The following DIP2B variants were observed in gnomAD, a reference collection of about 807,000 sequenced individuals.
The protein encoded by DIP2B is DIP2 acetate--CoA ligase B (putative).
Under a neutral mutation model 198.0 loss-of-function variants are expected in DIP2B, and 76 were observed. The ratio of observed to expected loss-of-function variants is 0.38; its 90% confidence interval spans 0.32 to 0.46. The LOEUF is 0.46. DIP2B is among the 20% of genes least tolerant of loss of function. The pLI is 0.99. For synonymous variants in DIP2B, 701 were observed against 739.1 expected, an observed-to-expected ratio of 0.95 and a Z score of 0.84; for missense variants, 1,559 against 1,978.4, an observed-to-expected ratio of 0.79 and a Z score of 4.02.
At chr12:50,644,227 T>C (rs577297642) in intron 3 of DIP2B, among the ~76,000 whole-genome samples, 1 of 152,330 alleles carries the variant, frequency 6.6e-6, no homozygotes, top group African/African-American at 2.4e-5. Flanking sequence ...TATATTTCTT[T>C]TTCCTGCACA....
At position 50,640,706 on chromosome 12, in the gene DIP2B, T is replaced by G. The variant is rs1294883366; in HGVS notation, c.173-18T>G. The G allele has an allele frequency of 6.2e-7, 1 of 1,611,232 alleles. No homozygotes were observed. The highest frequency in any genetic ancestry group is 8.5e-7 in the Non-Finnish European group (1 of 1,178,650). ...ATTACTGTTACTGGATAACCATCTT[T>G]TAAACTTCCTTTTTTAGAAACTGAT... On this transcript the variant is annotated intron_variant, in intron 2 of 37. Transcript: ENST00000301180.
At chr12:50,550,337 T>A (rs1461140504) in intron 1 of DIP2B, among the ~76,000 whole-genome samples, 2 of 152,170 alleles carry the variant, frequency 1.3e-5, no homozygotes, top group Non-Finnish European at 2.9e-5. Context: ...TTTTCATTCA[T>A]CTTTTTCATG....
intron 9 of DIP2B, among the ~76,000 whole-genome samples, chr12:50,682,425 C>T (rs1025065465): frequency 6.6e-6 from 1 of 151,962 alleles, no homozygotes; most frequent in Non-Finnish European, 1.5e-5. Flanking sequence ...GGAGATCGAT[C>T]GAGACCATCC....
chr12:50,540,374 G>A (rs1193682271), intron 1 of DIP2B, among the ~76,000 whole-genome samples: 1 of 151,600 alleles, frequency 6.6e-6, no homozygotes, highest in East Asian at 1.9e-4. Context: ...CTCCCAAAGT[G>A]CTGGGATTAC....
intron 35 of DIP2B, 72 bp from the exon 36 acceptor site, chr12:50,739,337 A>G (rs1482896494): frequency 2.0e-6 from 3 of 1,518,376 alleles, no homozygotes; most frequent in African/African-American, 1.4e-5. Flanking sequence ...AAAAATCAAA[A>G]TAACCTGATC....
At chr12:50,698,270 T>G (rs1371299343) in intron 17 of DIP2B, 58 bp from the exon 18 acceptor site, 2 of 1,562,914 alleles carry the variant, frequency 1.3e-6, no homozygotes, top group Non-Finnish European at 1.7e-6. Context: ...TCCTATGTAT[T>G]TGTATTTTTC....
In DIP2B at chr12:50,574,714, C is replaced by T. The variant is rs116271697; in HGVS notation, c.101-51262C>T. Among the ~76,000 whole-genome samples, 489 of 152,316 alleles carry T rather than the reference C, an allele frequency of 3.2e-3. 2 individuals are homozygous for T. The highest frequency in any genetic ancestry group is 0.011 in the African/African-American group (470 of 41,558). On this transcript the variant is annotated intron_variant, in intron 1 of 37. Transcript: ENST00000301180. ...CTCAGAAGTGAGGAATGAATGTTCCCATCTGGTACTTCGTTCCCTCTTCCA... is the reference window on the plus strand; with the variant it reads ...CTCAGAAGTGAGGAATGAATGTTCCTATCTGGTACTTCGTTCCCTCTTCCA...
At chr12:50,586,020 C>A (rs1273126516) in intron 1 of DIP2B, among the ~76,000 whole-genome samples, 1 of 152,234 alleles carries the variant, frequency 6.6e-6, no homozygotes. Context: ...GAGGTTCCCA[C>A]AAACACATGG....
At chr12:50,731,607 C>A in intron 31 of DIP2B, 70 bp downstream of exon 31, 1 of 1,512,558 alleles carries the variant, frequency 6.6e-7, no homozygotes, top group Non-Finnish European at 8.9e-7. Context: ...CGTAACAGGG[C>A]CAGAGCAGGG....
chr12:50,738,286 G>A (rs1052693132), intron 35 of DIP2B, among the ~76,000 whole-genome samples: 3 of 151,880 alleles, frequency 2.0e-5, no homozygotes, highest in Non-Finnish European at 2.9e-5. Context: ...CCGAGATCAC[G>A]TCACTGCACT....
chr12:50,548,848 A>G (rs1958400069), intron 1 of DIP2B, among the ~76,000 whole-genome samples: 1 of 152,144 alleles, frequency 6.6e-6, no homozygotes, highest in Admixed American at 6.5e-5. Context: ...TTAAAGTGTA[A>G]GATACTAAGA....
intron 3 of DIP2B, among the ~76,000 whole-genome samples, chr12:50,647,490 C>G (rs1938370751): frequency 6.6e-6 from 1 of 152,136 alleles, no homozygotes; most frequent in Non-Finnish European, 1.5e-5. Context: ...TCCTCTCCAC[C>G]CTGCACAGAG....
At chr12:50,515,365 G>A (rs1958055015) in intron 1 of DIP2B, among the ~76,000 whole-genome samples, 1 of 151,898 alleles carries the variant, frequency 6.6e-6, no homozygotes, top group Admixed American at 6.6e-5. Flanking sequence ...CAAGTAGCTG[G>A]GATTAACAGG....
In DIP2B at chr12:50,622,301, TTTAA is replaced by T. The variant is rs1470310156; in HGVS notation, c.101-3667_101-3664del. Among the ~76,000 whole-genome samples, 18 of 152,328 alleles carry T rather than the reference TTTAA, an allele frequency of 1.2e-4. No homozygotes were observed. In the South Asian group the frequency reaches 1.2e-3, roughly 11 times the overall value. On this transcript the variant is annotated intron_variant, in intron 1 of 37. Coordinates refer to ENST00000301180, the MANE Select transcript of DIP2B (RefSeq NM_173602.3). ...TCTTGAGTTGGCTGCTTTGAAAAGG[TTTAA>T]TTAATTATTTTTTAACAAAAATTCA...
At position 50,610,049 on chromosome 12, in the gene DIP2B, A is replaced by G. The variant is rs538129816; in HGVS notation, c.101-15927A>G. 1.4e-3 allele frequency among the ~76,000 whole-genome samples: 212 copies of G among 152,362 alleles called. 1 individual carries two copies. Among genetic ancestry groups the G allele is most frequent in the African/African-American group, 5.0e-3 (207 of 41,598 alleles). On this transcript the variant is annotated intron_variant, in intron 1 of 37. Transcript: ENST00000301180. ...TTTTAAGAATTCTGCAGATACAGCT[A>G]TAACACCTAAATATAAATGACCAAA...
At chr12:50,619,685 C>A (rs1047473486) in intron 1 of DIP2B, among the ~76,000 whole-genome samples, 2 of 152,198 alleles carry the variant, frequency 1.3e-5, no homozygotes, top group Admixed American at 1.3e-4. Flanking sequence ...ATGTTATTTT[C>A]CATAGCCCAG....
At chr12:50,591,136 A>T (rs1383279184) in intron 1 of DIP2B, among the ~76,000 whole-genome samples, 1 of 152,148 alleles carries the variant, frequency 6.6e-6, no homozygotes, top group Non-Finnish European at 1.5e-5. Flanking sequence ...GTGAATAATA[A>T]ATTTCTGTTC....
chr12:50,524,567 C>T (rs183869770), intron 1 of DIP2B, among the ~76,000 whole-genome samples: 156 of 152,104 alleles, frequency 1.0e-3, no homozygotes, highest in African/African-American at 3.5e-3. Flanking sequence ...TCCATCCTCC[C>T]GCTTCCCTCT....
chr12:50,559,025 A>C (rs1958494939), intron 1 of DIP2B, among the ~76,000 whole-genome samples: 1 of 152,214 alleles, frequency 6.6e-6, no homozygotes, highest in Admixed American at 6.5e-5. Flanking sequence ...AGGGAACACC[A>C]GGTGCAGGTG....
Sources: allele counts gnomAD v4.1 joint callset (sites outside exome capture counted in the v4.1 genomes callset), GRCh38; gene constraint gnomAD v4.1.1; transcripts MANE v1.5; gene names NCBI Gene and HGNC (gene_info 2026-07-23, HGNC 2026-07-21).